PCDHA8: variants seen among roughly 807,000 people sequenced by gnomAD.
The protein encoded by PCDHA8 is protocadherin alpha 8.
A neutral mutation model predicts 61.8 loss-of-function variants in PCDHA8; 53 were observed. The observed-to-expected ratio is 0.86, with a 90% CI of 0.69 to 1.08. PCDHA8 has a LOEUF of 1.08. Among genes scored for constraint, PCDHA8 ranks in the 50% least tolerant of loss-of-function variants. PCDHA8 has a pLI of 0.00. For missense variants in PCDHA8, 1,293 were observed against 1,245.0 expected, an observed-to-expected ratio of 1.04 and a Z score of -0.58; for synonymous variants, 618 against 556.6, an observed-to-expected ratio of 1.11 and a Z score of -1.55.
intron 3 of PCDHA8, among the ~76,000 whole-genome samples, chr5:140,993,375 C>T (rs1238667698): frequency 1.3e-5 from 2 of 151,770 alleles, no homozygotes; most frequent in Non-Finnish European, 2.9e-5. Flanking sequence ...ACCTCCCAGC[C>T]GGGTCCCTGA....
At chr5:140,909,523 C>G (rs1265179214) in intron 1 of PCDHA8, among the ~76,000 whole-genome samples, 1 of 152,172 alleles carries the variant, frequency 6.6e-6, no homozygotes, top group Non-Finnish European at 1.5e-5. Context: ...AACCCCTGCA[C>G]ATTTTGAGTC....
At chr5:140,883,759 G>A (rs1554179777) in intron 1 of PCDHA8, 1 of 1,612,704 alleles carries the variant, frequency 6.2e-7, no homozygotes, top group African/African-American at 1.3e-5. Context: ...TGGTGGAGCG[G>A]CGGGTGGGCG....
chr5:140,864,600 C>G (rs1159658217), intron 1 of PCDHA8: 3 of 152,164 alleles, frequency 2.0e-5, no homozygotes, highest in African/African-American at 7.2e-5. Flanking sequence ...TTCAGATAGC[C>G]AACAACTTTG....
At chr5:140,867,714 T>C (rs1345564202) in intron 1 of PCDHA8, 1 of 152,070 alleles carries the variant, frequency 6.6e-6, no homozygotes, top group Non-Finnish European at 1.5e-5. Flanking sequence ...CCTAAGGGTA[T>C]ATGAAAAGAC....
intron 1 of PCDHA8, among the ~76,000 whole-genome samples, chr5:140,923,219 C>T (rs557006469): frequency 1.3e-5 from 2 of 152,094 alleles, no homozygotes; most frequent in East Asian, 1.9e-4. Context: ...GTGAAAGGAT[C>T]GTTTGAGCCC....
chr5:140,913,138 T>C (rs1367874502), intron 1 of PCDHA8, among the ~76,000 whole-genome samples: 1 of 152,204 alleles, frequency 6.6e-6, no homozygotes, highest in East Asian at 1.9e-4. Flanking sequence ...CTCTACTTTT[T>C]GGAATAGTTT....
chr5:141,000,780 A>G (rs2097963386), intron 3 of PCDHA8, among the ~76,000 whole-genome samples: 1 of 151,780 alleles, frequency 6.6e-6, no homozygotes, highest in Admixed American at 6.6e-5. Context: ...AGTGGCGCAC[A>G]CCTGTATTCC....
chr5:140,856,693 T>C (rs374352563), intron 1 of PCDHA8: 9 of 1,596,766 alleles, frequency 5.6e-6, no homozygotes, highest in African/African-American at 4.0e-5. Flanking sequence ...CAGCAACTGA[T>C]GGAGGCAAAC....
At chr5:140,856,715 G>A (rs1233191211) in intron 1 of PCDHA8, 4 of 1,596,328 alleles carry the variant, frequency 2.5e-6, no homozygotes, top group Admixed American at 1.7e-5. Context: ...TGAATTTACC[G>A]GATCTGTTTC....
chr5:140,948,496 A>C (rs1258443825), intron 1 of PCDHA8, among the ~76,000 whole-genome samples: 1 of 151,522 alleles, frequency 6.6e-6, no homozygotes, highest in African/African-American at 2.4e-5. Context: ...TCTTTCATAG[A>C]CTTTCTATTA....
At position 141,010,329 on chromosome 5, in the gene PCDHA8, GTTTGTGGCCACTGGGTA is replaced by G. The variant is rs1554262887; in HGVS notation, c.*394_*410del. The G allele has an allele frequency of 1.9e-6, 3 of 1,538,554 alleles. No individual in the cohort carries two copies. The East Asian group carries it at 7.3e-5, about 38-fold the overall frequency. ...AGTTTTGAGATTGAGCAGCTTGGGA[GTTTGTGGCCACTGGGTA>G]TGTGTGGCTACCGCGGGTATGCGAG... On this transcript the variant is annotated 3_prime_UTR_variant, in exon 4 of 4. Coordinates refer to ENST00000531613, the MANE Select transcript of PCDHA8 (RefSeq NM_018911.3).
chr5:140,914,364 A>T lies in PCDHA8; in HGVS notation c.2395-64585A>T, dbSNP rs1256559741. 2.0e-5 allele frequency among the ~76,000 whole-genome samples: 3 copies of T among 152,096 alleles called. No individual in the cohort carries two copies. The East Asian group carries it at 5.8e-4, about 29-fold the overall frequency. On this transcript the variant is annotated intron_variant, in intron 1 of 3. Transcript: ENST00000531613. ...CTCTTTTTGGAGTTTTTGTCTTGAG[A>T]TCTATTTTATCTGTTATAAGTGTAG...
intron 1 of PCDHA8, 99 bp downstream of exon 1, chr5:140,843,814 GA>G (rs1158286974): frequency 7.9e-7 from 1 of 1,259,766 alleles, no homozygotes; most frequent in African/African-American, 1.5e-5. Context: ...ATTTTATAGT[GA>G]AAATTTAAAC....
At chr5:140,957,893 C>T (rs1554223179) in intron 1 of PCDHA8, among the ~76,000 whole-genome samples, 1 of 151,938 alleles carries the variant, frequency 6.6e-6, no homozygotes, top group Non-Finnish European at 1.5e-5. Flanking sequence ...AAGTTGGCAT[C>T]AACCAAGGCA....
In PCDHA8 at chr5:140,843,131, A is replaced by T. The variant is rs1778597379; in HGVS notation, c.1810A>T (p.Asn604Tyr). 3 of 1,596,044 alleles carry T rather than the reference A, an allele frequency of 1.9e-6. No homozygotes were observed. The African/African-American group carries it at 4.0e-5, about 21-fold the overall frequency. The change falls in exon 1 of 4, where the codon AAC (asparagine) becomes TAC (tyrosine). Residue 604 changes from asparagine (N) to tyrosine (Y), a missense_variant. Physicochemically the swap from Asn to Tyr is moderately radical, Grantham distance 143. Coordinates refer to ENST00000531613, the MANE Select transcript of PCDHA8 (RefSeq NM_018911.3). ...CGCAGTGGACGCCGACTCGGGCTAC[A>T]ACGCGTGGCTTTCGTATGAGCTGCA... ...VRAVDADSGY[N>Y]AWLSYELQPA...
chr5:140,876,967 G>T lies in PCDHA8; in HGVS notation c.2394+33252G>T, dbSNP rs200960356. On this transcript the variant is annotated intron_variant, in intron 1 of 3. Coordinates refer to ENST00000531613, the MANE Select transcript of PCDHA8 (RefSeq NM_018911.3). ...GTCCTACTCGCTGGTGGAGCGGCGG[G>T]TGGGCGAGCACGCACTGTCGAGCTA... The T allele has an allele frequency of 3.1e-6, 5 of 1,613,050 alleles. No homozygotes were observed. The South Asian group carries it at 3.3e-5, about 11-fold the overall frequency.
At chr5:140,867,055 T>C (rs1177939308) in intron 1 of PCDHA8, 3 of 152,170 alleles carry the variant, frequency 2.0e-5, no homozygotes, top group African/African-American at 7.2e-5. Flanking sequence ...TGTTCAGTAC[T>C]ACTTTATATA....
At chr5:140,882,072 T>G in intron 1 of PCDHA8, 4 of 861,576 alleles carry the variant, frequency 4.6e-6, no homozygotes, top group Non-Finnish European at 7.0e-6. Flanking sequence ...TTCATGCGCA[T>G]GGTGTCGCTC....
intron 1 of PCDHA8, among the ~76,000 whole-genome samples, chr5:140,925,170 A>G (rs2153576816): frequency 6.6e-6 from 1 of 152,194 alleles, no homozygotes; most frequent in East Asian, 1.9e-4. Flanking sequence ...TGTGTAATTG[A>G]CCCCAATGTA....
Sources: gnomAD v4.1 joint callset for allele counts (sites outside exome capture counted in the v4.1 genomes callset) on GRCh38, gnomAD v4.1.1 for gene constraint, MANE v1.5 for transcripts, NCBI Gene and HGNC (gene_info 2026-07-23, HGNC 2026-07-21) for gene names.